The following PEMT variants were observed in gnomAD, a reference collection of about 807,000 sequenced individuals.
PEMT encodes the protein phosphatidylethanolamine N-methyltransferase.
Under a neutral mutation model 27.4 loss-of-function variants are expected in PEMT, and 23 were observed. The ratio of observed to expected loss-of-function variants is 0.84; its 90% confidence interval spans 0.60 to 1.19. PEMT has a LOEUF of 1.19. PEMT is among the 50% of genes most tolerant of loss of function. The probability of loss-of-function intolerance (pLI) is 0.00; values close to 1 mark genes in which losing one functional copy is unlikely to be tolerated. For synonymous variants in PEMT, 137 were observed against 139.1 expected, an observed-to-expected ratio of 0.98 and a Z score of 0.11; for missense variants, 307 against 310.1, an observed-to-expected ratio of 0.99 and a Z score of 0.07.
chr17:17,517,958 C>A, intron 3 of PEMT: 1 of 985,544 alleles, frequency 1.0e-6, no homozygotes, highest in South Asian at 4.7e-5. Flanking sequence ...TGCCTCCTAG[C>A]CCAGCCTGGG....
At chr17:17,537,363 C>G (rs1908554735) in intron 2 of PEMT, among the ~76,000 whole-genome samples, 1 of 152,250 alleles carries the variant, frequency 6.6e-6, no homozygotes, top group Non-Finnish European at 1.5e-5. Context: ...AGGGCAGATG[C>G]TGTCCCTGCA....
chr17:17,555,340 G>A (rs1012171133), intron 2 of PEMT, among the ~76,000 whole-genome samples: 19 of 152,288 alleles, frequency 1.2e-4, no homozygotes, highest in Middle Eastern at 3.4e-3. Context: ...ACGGGGAAGC[G>A]GAGGAGATGC....
chr17:17,520,219 G>A (rs906030524), intron 3 of PEMT, among the ~76,000 whole-genome samples: 3 of 152,186 alleles, frequency 2.0e-5, no homozygotes, highest in Non-Finnish European at 4.4e-5. Flanking sequence ...TCCTGCCAAT[G>A]CAGCCAGGGC....
At position 17,512,488 on chromosome 17, in the gene PEMT, C is replaced by T. The variant is rs1340413328; in HGVS notation, c.466+21G>A. The T allele has an allele frequency of 1.3e-6, 2 of 1,560,040 alleles. No individual in the cohort carries two copies. The highest frequency in any genetic ancestry group is 1.8e-5 in the Admixed American group (1 of 56,160). On this transcript the variant is annotated intron_variant, in intron 4 of 6. Coordinates refer to ENST00000255389, the MANE Select transcript of PEMT (RefSeq NM_148172.3). The surrounding 1 kb of genome is among the most constrained non-coding windows in gnomAD (Gnocchi z 6.3). ...GCTCCAGCGGTCCTGCTCAGGGTCA[C>T]CCCAGCCCTCAGGGTCTTACCTAGG...
At chr17:17,572,272 G>A (rs1911261269) in intron 2 of PEMT, among the ~76,000 whole-genome samples, 1 of 152,128 alleles carries the variant, frequency 6.6e-6, no homozygotes, top group East Asian at 1.9e-4. Flanking sequence ...CTCTGTCCTT[G>A]GTGCAGTGAC....
At chr17:17,526,994 T>G (rs1907715327) in intron 2 of PEMT, among the ~76,000 whole-genome samples, 1 of 152,148 alleles carries the variant, frequency 6.6e-6, no homozygotes, top group Non-Finnish European at 1.5e-5. Context: ...CTCTCAAATT[T>G]CCTACGCATC....
At chr17:17,536,206 G>A (rs1444025903) in intron 2 of PEMT, among the ~76,000 whole-genome samples, 4 of 152,224 alleles carry the variant, frequency 2.6e-5, no homozygotes, top group African/African-American at 9.6e-5. Context: ...CAATCTGCAT[G>A]CCAGCCCCAC....
intron 2 of PEMT, among the ~76,000 whole-genome samples, chr17:17,553,137 G>A (rs930775838): frequency 1.3e-5 from 2 of 152,216 alleles, no homozygotes; most frequent in African/African-American, 4.8e-5. Flanking sequence ...TCAGGGACCT[G>A]TATCCATGGC....
chr17:17,506,358 G>T, intron 5 of PEMT, 57 bp from the exon 6 acceptor site: 1 of 1,316,550 alleles, frequency 7.6e-7, no homozygotes, highest in Non-Finnish European at 1.1e-6. Context: ...CAGGGCCACG[G>T]CCCACCTGCC....
intron 2 of PEMT, among the ~76,000 whole-genome samples, chr17:17,560,466 T>C (rs576797557): frequency 6.6e-6 from 1 of 152,178 alleles, no homozygotes; most frequent in South Asian, 2.1e-4. Context: ...GAGGTACCTA[T>C]CCAGAAAAGG....
chr17:17,535,851 G>T (rs1048735228), intron 2 of PEMT, among the ~76,000 whole-genome samples: 2 of 152,210 alleles, frequency 1.3e-5, no homozygotes, highest in Non-Finnish European at 2.9e-5. Context: ...AAAATAAAAA[G>T]TTAGAAGGCA....
intron 2 of PEMT, among the ~76,000 whole-genome samples, chr17:17,524,204 A>G (rs1208466467): frequency 6.6e-6 from 1 of 152,210 alleles, no homozygotes; most frequent in Non-Finnish European, 1.5e-5. Context: ...ACGGTGACCA[A>G]GGCCAAAGCC....
At chr17:17,521,757 G>C (rs574157246) in intron 3 of PEMT, among the ~76,000 whole-genome samples, 1 of 152,208 alleles carries the variant, frequency 6.6e-6, no homozygotes, top group South Asian at 2.1e-4. Flanking sequence ...AGTAGAGACG[G>C]AGTTTCATCA....
At chr17:17,585,837 C>T (rs113801858) in intron 1 of PEMT, among the ~76,000 whole-genome samples, 4,070 of 152,086 alleles carry the variant, frequency 0.027, 67 homozygotes, top group Middle Eastern at 0.054. Flanking sequence ...AATCCCAGCA[C>T]TTTGAGAGGC....
At chr17:17,510,378 T>G (rs1202722986) in intron 4 of PEMT, among the ~76,000 whole-genome samples, 1 of 152,134 alleles carries the variant, frequency 6.6e-6, no homozygotes, top group African/African-American at 2.4e-5. Context: ...CCTCCCAGCC[T>G]TCTGTCCCCA....
At chr17:17,516,270 A>G (rs1236365565) in intron 3 of PEMT, among the ~76,000 whole-genome samples, 1 of 151,992 alleles carries the variant, frequency 6.6e-6, no homozygotes, top group Non-Finnish European at 1.5e-5. Context: ...CTTTTCCAAG[A>G]CATATTAAAA....
At chr17:17,506,580 G>C (rs929077124) in intron 5 of PEMT, among the ~76,000 whole-genome samples, 7 of 152,236 alleles carry the variant, frequency 4.6e-5, no homozygotes, top group Admixed American at 6.5e-5. Flanking sequence ...ACTCTTTCCG[G>C]GTCTCCAGCC....
chr17:17,536,712 G>A (rs1908498662), intron 2 of PEMT, among the ~76,000 whole-genome samples: 1 of 152,224 alleles, frequency 6.6e-6, no homozygotes, highest in South Asian at 2.1e-4. Flanking sequence ...CCTCTCATGA[G>A]GGCCTGCTAC....
At chr17:17,511,035 A>AC (rs967053903) in intron 4 of PEMT, among the ~76,000 whole-genome samples, 17 of 148,516 alleles carry the variant, frequency 1.1e-4, no homozygotes, top group East Asian at 4.0e-4. Flanking sequence ...CCTTGCTGGG[A>AC]CCCCCCCTAT....
Sources: allele counts gnomAD v4.1 joint callset (sites outside exome capture counted in the v4.1 genomes callset), GRCh38; gene constraint gnomAD v4.1.1; non-coding constraint Gnocchi (gnomAD v3.1); transcripts MANE v1.5; gene names NCBI Gene and HGNC (gene_info 2026-07-23, HGNC 2026-07-21).